Variants in STN1 observed in about 807,000 individuals in gnomAD.
The protein encoded by STN1 is CST complex subunit STN1.
STN1 carries 29 observed loss-of-function variants against 45.5 expected under a neutral mutation model. The observed-to-expected ratio is 0.64, with a 90% CI of 0.47 to 0.87. The LOEUF is 0.87. Among genes scored for constraint, STN1 ranks in the 40% least tolerant of loss-of-function variants. The pLI is 0.00. For synonymous variants in STN1, 148 were observed against 159.0 expected (o/e 0.93, Z 0.52); for missense variants, 376 against 441.4 (o/e 0.85, Z 1.33).
At position 103,892,212 on chromosome 10, in the gene STN1, C is replaced by T. The variant is rs139258012; in HGVS notation, c.794G>A (p.Ser265Asn). ...CAGTTGTATAGCATTCTTAAATATA[C>T]TATGAATTGCCTTGGAAGTGGTGTC... is the stretch of plus-strand genomic sequence containing the variant. ...KKDTTSKAIH[S>N]IFKNAIQLLQ... Residue 265 changes from serine to asparagine, a missense_variant, in exon 8 of 10, where the codon AGT (serine) becomes AAT (asparagine). Ser to Asn is a conservative substitution (Grantham distance 46, BLOSUM62 1). Coordinates refer to ENST00000224950, the MANE Select transcript of STN1 (RefSeq NM_024928.5). The T allele has an allele frequency of 6.9e-6, 11 of 1,605,704 alleles. No individual in the cohort carries two copies. Among genetic ancestry groups the T allele is most frequent in the South Asian group, 1.1e-5 (1 of 88,714 alleles).
intron 9 of STN1, among the ~76,000 whole-genome samples, chr10:103,885,793 T>C (rs2134356410): frequency 6.6e-6 from 1 of 152,272 alleles, no homozygotes; most frequent in Admixed American, 6.5e-5. Context: ...TCGACTCTTC[T>C]GGAACAAACC....
intron 7 of STN1, among the ~76,000 whole-genome samples, chr10:103,893,622 A>T (rs1030004568): frequency 1.2e-4 from 18 of 152,202 alleles, no homozygotes; most frequent in African/African-American, 4.3e-4. Flanking sequence ...CAGCACCCAG[A>T]GGTGCTGAAA....
At chr10:103,910,477 G>C (rs1843282452) in intron 3 of STN1, 50 bp downstream of exon 3, 3 of 1,289,006 alleles carry the variant, frequency 2.3e-6, no homozygotes, top group Admixed American at 3.5e-5. Flanking sequence ...TTTCAGCCCA[G>C]AAGGGTCAGC....
At chr10:103,894,412 T>C (rs1247342178) in intron 7 of STN1, among the ~76,000 whole-genome samples, 2 of 152,046 alleles carry the variant, frequency 1.3e-5, no homozygotes, top group African/African-American at 4.8e-5. Context: ...GCCTAGGAGA[T>C]TAAAAACACA....
In STN1 at chr10:103,897,564, C is replaced by CT. The variant is rs775113036; in HGVS notation, c.736dup (p.Ser246LysfsTer10). ...TGCACTCACTTGGTCGGAGGAGGCA[C>CT]TGTGAATCACAGGCTGATTGGCAAG... On this transcript the variant is annotated frameshift_variant, in exon 7 of 10. Coordinates refer to ENST00000224950, the MANE Select transcript of STN1 (RefSeq NM_024928.5). LOFTEE classifies it high-confidence loss of function. 1 of 1,614,144 alleles carries CT rather than the reference C, an allele frequency of 6.2e-7. No homozygotes were observed. Among genetic ancestry groups the CT allele is most frequent in the Non-Finnish European group, 8.5e-7 (1 of 1,179,998 alleles).
At chr10:103,885,429 C>A (rs1358048466) in intron 9 of STN1, among the ~76,000 whole-genome samples, 2 of 152,110 alleles carry the variant, frequency 1.3e-5, no homozygotes, top group East Asian at 3.9e-4. Flanking sequence ...ATCCATGGGG[C>A]CCAAAGCAGT....
chr10:103,889,777 A>ACTG (rs1324176106), intron 8 of STN1, among the ~76,000 whole-genome samples: 24 of 144,262 alleles, frequency 1.7e-4, no homozygotes, highest in Non-Finnish European at 3.1e-4. Flanking sequence ...ATCTTAGCTC[A>ACTG]CTGCAACCTC....
chr10:103,911,138 G>A (rs577347143), intron 2 of STN1, among the ~76,000 whole-genome samples: 4 of 151,854 alleles, frequency 2.6e-5, no homozygotes, highest in Non-Finnish European at 4.4e-5. Flanking sequence ...TTGGGGCCAG[G>A]TTACAACCCC....
At chr10:103,903,668 A>G (rs576585951) in intron 4 of STN1, among the ~76,000 whole-genome samples, 1 of 152,328 alleles carries the variant, frequency 6.6e-6, no homozygotes, top group Admixed American at 6.5e-5. Flanking sequence ...ACCAGACACC[A>G]AAACTTTGAT....
intron 9 of STN1, 121 bp from the exon 10 acceptor site, chr10:103,882,962 A>T: frequency 2.1e-6 from 2 of 951,938 alleles, no homozygotes; most frequent in South Asian, 1.9e-5. Flanking sequence ...TATGCACATT[A>T]AAGTCAGAAA....
chr10:103,882,657 C>T lies in STN1; in HGVS notation c.*27G>A, dbSNP rs1442150986. The T allele has an allele frequency of 6.3e-7, 1 of 1,581,070 alleles. No individual in the cohort carries two copies. The highest frequency in any genetic ancestry group is 1.3e-5 in the African/African-American group (1 of 74,404). On this transcript the variant is annotated 3_prime_UTR_variant, in exon 10 of 10. Coordinates refer to ENST00000224950, the MANE Select transcript of STN1 (RefSeq NM_024928.5). ...GGGTGAATGCCACCTTATCTTTGTC[C>T]TCCTCAGCTGGTCTGCGTGTCTCTG...
intron 9 of STN1, among the ~76,000 whole-genome samples, chr10:103,887,612 A>T (rs1589496216): frequency 6.6e-6 from 1 of 152,310 alleles, no homozygotes; most frequent in African/African-American, 2.4e-5. Context: ...CAGCATTCTC[A>T]GTAGCTCAGG....
At chr10:103,903,589 G>C (rs1843223310) in intron 4 of STN1, among the ~76,000 whole-genome samples, 1 of 152,100 alleles carries the variant, frequency 6.6e-6, no homozygotes, top group Non-Finnish European at 1.5e-5. Context: ...GCCATGTGAG[G>C]AACAGTTCTC....
chr10:103,894,902 G>A (rs1182062054), intron 7 of STN1, among the ~76,000 whole-genome samples: 1 of 152,126 alleles, frequency 6.6e-6, no homozygotes, highest in Non-Finnish European at 1.5e-5. Flanking sequence ...GATTTGCTAA[G>A]AAGGACCACT....
Position 103,900,207 on chromosome 10 carries a change from T to C in STN1, c.312A>G (p.Ala104=). Residue 104 remains alanine (A), a synonymous_variant, in exon 5 of 10, where the codon GCA becomes GCG. Transcript: ENST00000224950. Reference sequence around the variant, plus strand: ...GTTGTGAGGTTAAGCTGAGCTCTCTTGCTGCACTTGGAGCAGCTGTAGTTG... The same window carrying C: ...GTTGTGAGGTTAAGCTGAGCTCTCTCGCTGCACTTGGAGCAGCTGTAGTTG... ...TESVSAAPSA[A]RELSLTSQLK... 6.2e-7 allele frequency: 1 copy of C among 1,614,144 alleles called. No homozygotes were observed. The highest frequency in any genetic ancestry group is 8.5e-7 in the Non-Finnish European group (1 of 1,180,004).
chr10:103,889,661 C>A, intron 8 of STN1, among the ~76,000 whole-genome samples: 1 of 148,790 alleles, frequency 6.7e-6, no homozygotes, highest in Admixed American at 6.7e-5. Flanking sequence ...ATTCTGCTCT[C>A]AAAGGTAGAC....
At chr10:103,905,040 T>G (rs1843231670) in intron 4 of STN1, 51 bp downstream of exon 4, 1 of 1,513,686 alleles carries the variant, frequency 6.6e-7, no homozygotes, top group African/African-American at 1.4e-5. Context: ...CTACATTGAG[T>G]AAAATCCATT....
chr10:103,916,101 T>A (rs549573087), intron 2 of STN1, among the ~76,000 whole-genome samples: 233 of 152,364 alleles, frequency 1.5e-3, no homozygotes, highest in Non-Finnish European at 2.7e-3. Flanking sequence ...AAGTATCCAA[T>A]CTGTCAGCTG....
At chr10:103,895,436 T>C (rs1032056281) in intron 7 of STN1, among the ~76,000 whole-genome samples, 1 of 152,172 alleles carries the variant, frequency 6.6e-6, no homozygotes, top group Non-Finnish European at 1.5e-5. Flanking sequence ...GATAGAATCA[T>C]CAGAAGTCCT....
Sources: allele counts gnomAD v4.1 joint callset (sites outside exome capture counted in the v4.1 genomes callset), GRCh38; gene constraint gnomAD v4.1.1; transcripts MANE v1.5; gene names NCBI Gene and HGNC (gene_info 2026-07-23, HGNC 2026-07-21).